The following PDGFRB variants were observed in gnomAD, a reference collection of about 807,000 sequenced individuals.
The protein encoded by PDGFRB is platelet derived growth factor receptor beta.
A neutral mutation model predicts 120.2 loss-of-function variants in PDGFRB; 42 were observed. That is an observed-to-expected ratio of 0.35 (90% CI 0.27 to 0.45). PDGFRB has a LOEUF of 0.45. PDGFRB is among the 20% of genes least tolerant of loss of function. The probability of loss-of-function intolerance (pLI) is 1.00; values close to 1 mark genes in which losing one functional copy is unlikely to be tolerated. For synonymous variants in PDGFRB, 586 were observed against 606.8 expected, an observed-to-expected ratio of 0.97 and a Z score of 0.50; for missense variants, 1,149 against 1,476.3, an observed-to-expected ratio of 0.78 and a Z score of 3.63.
chr5:150,121,989 C>G lies in PDGFRB; in HGVS notation c.2235G>C (p.Lys745Asn), dbSNP rs1760151971. The change falls in exon 16 of 23, where the codon AAG becomes AAC. Residue 745 changes from lysine to asparagine, a missense_variant. Physicochemically the swap from Lys to Asn is moderately conservative, Grantham distance 94 (BLOSUM62 0). This residue lies in a region of PDGFRB where 879 missense variants were observed against 1,108.6 expected (regional missense o/e 0.79). Transcript: ENST00000261799. This position sits in a 1 kb window ranked among gnomAD's most constrained non-coding sequence, Gnocchi z 4.1. ...ESDGGYMDMS[K>N]DESVDYVPML... The stretch of plus-strand genomic sequence containing the variant: ...TGGGCACATAGTCCACCGACTCGTC[C>G]TTGCTCATGTCCATGTAGCCACCGT... The G allele has an allele frequency of 6.2e-6, 10 of 1,613,710 alleles. No homozygotes were observed. The Admixed American group carries it at 6.7e-5, about 11-fold the overall frequency.
At chr5:150,116,046 G>A in intron 22 of PDGFRB, 100 bp from the exon 23 acceptor site, 1 of 965,260 alleles carries the variant, frequency 1.0e-6, no homozygotes, top group Non-Finnish European at 1.5e-6. Context: ...CTGCACCGTA[G>A]GCTTCACACA....
At chr5:150,127,161 C>CA (rs771053423) in intron 10 of PDGFRB, among the ~76,000 whole-genome samples, 2 of 152,228 alleles carry the variant, frequency 1.3e-5, no homozygotes, top group Non-Finnish European at 2.9e-5. Context: ...CTCCCCACTT[C>CA]ACCCAAAGGG....
intron 15 of PDGFRB, chr5:150,122,308 G>A (rs759894375): frequency 9.1e-6 from 4 of 441,850 alleles, no homozygotes; most frequent in Non-Finnish European, 1.7e-5. Flanking sequence ...CACAAGACGG[G>A]TGTGTTCAGA....
At chr5:150,117,191 G>C (rs1759962137) in intron 22 of PDGFRB, among the ~76,000 whole-genome samples, 1 of 152,166 alleles carries the variant, frequency 6.6e-6, no homozygotes, top group Admixed American at 6.5e-5. Context: ...AACCAAGCAG[G>C]CTCCCTCTGG....
At chr5:150,122,534 A>G (rs1760171790) in intron 15 of PDGFRB, among the ~76,000 whole-genome samples, 1 of 152,270 alleles carries the variant, frequency 6.6e-6, no homozygotes, top group African/African-American at 2.4e-5. Context: ...ATTGGAGAGG[A>G]CATGAGTGGG....
chr5:150,133,071 G>A lies in PDGFRB; in HGVS notation c.935-129C>T, dbSNP rs1193314574. 8.9e-6 allele frequency: 6 copies of A among 674,592 alleles called. No homozygotes were observed. The African/African-American group carries it at 1.1e-4, about 12-fold the overall frequency. The allele number at this position is 674,592 out of a possible 1,614,324, so 41.8% of individuals were successfully genotyped here. The stretch of plus-strand genomic sequence containing the variant: ...CCAGCCATGGAGTTTCCGGAGCTGA[G>A]GTTGAAATTGGGCTGGGGACAGGGC... On this transcript the variant is annotated intron_variant, in intron 6 of 22. Transcript: ENST00000261799.
chr5:150,136,963 C>T (rs765666370), intron 2 of PDGFRB, 45 bp downstream of exon 2: 3 of 1,528,448 alleles, frequency 2.0e-6, no homozygotes, highest in Non-Finnish European at 2.7e-6. Context: ...CAGGGTTCCA[C>T]TCCGCAGCCC....
At chr5:150,152,021 C>T (rs968843591) in intron 1 of PDGFRB, among the ~76,000 whole-genome samples, 3 of 152,022 alleles carry the variant, frequency 2.0e-5, no homozygotes, top group African/African-American at 4.8e-5. Context: ...AATTCTAGTG[C>T]CTCAGCCTCC....
chr5:150,154,131 C>T (rs1761159117), intron 1 of PDGFRB, among the ~76,000 whole-genome samples: 1 of 151,978 alleles, frequency 6.6e-6, no homozygotes, highest in Non-Finnish European at 1.5e-5. Flanking sequence ...ATGGCTAGCA[C>T]TTGGAAGACA....
rs2302273 is a variant in PDGFRB, at chr5:150,155,692, G to A, written c.-302C>T. The A allele has an allele frequency of 0.18, 71,417 of 398,594 alleles. 7,179 individuals are homozygous for A. Among genetic ancestry groups the A allele is most frequent in the Middle Eastern group, 0.28 (447 of 1,590 alleles). 24.7% of individuals were successfully genotyped at this position (398,594 alleles called of 1,614,324 possible). A position where few individuals can be genotyped will look rare whatever the true frequency, so the allele number is the denominator to read the frequency against. On this transcript the variant is annotated 5_prime_UTR_variant, in exon 1 of 23. Transcript: ENST00000261799. ...CAGAGGGGCCGCCCTGGGTCTGGCT[G>A]TCTGCGTTGGGCAGGGCGAGCACAG...
intron 10 of PDGFRB, among the ~76,000 whole-genome samples, chr5:150,128,937 T>A (rs1329025996): frequency 6.6e-6 from 1 of 152,146 alleles, no homozygotes; most frequent in Admixed American, 6.5e-5. Context: ...GGTGAATAAA[T>A]GAAGCACACT....
intron 8 of PDGFRB, among the ~76,000 whole-genome samples, 183 bp from the exon 9 acceptor site, chr5:150,130,845 G>A (rs550812954): frequency 6.6e-6 from 1 of 152,196 alleles, no homozygotes; most frequent in Admixed American, 6.5e-5. Flanking sequence ...ACTTCAAAGG[G>A]AACGCCTCAG....
intron 1 of PDGFRB, among the ~76,000 whole-genome samples, chr5:150,154,816 G>A (rs190764645): frequency 3.3e-5 from 5 of 152,308 alleles, no homozygotes; most frequent in East Asian, 1.9e-4. Flanking sequence ...TGCCATGGCC[G>A]CCCATCACCC....
intron 4 of PDGFRB, chr5:150,134,243 AG>A (rs757075346): frequency 2.5e-5 from 14 of 568,902 alleles, no homozygotes; most frequent in Non-Finnish European, 4.1e-5. Context: ...ACGTTCTAGA[AG>A]GGATAACAGT....
intron 8 of PDGFRB, among the ~76,000 whole-genome samples, chr5:150,131,256 C>T (rs576531570): frequency 6.6e-6 from 1 of 152,300 alleles, no homozygotes; most frequent in South Asian, 2.1e-4. Context: ...ACTGCCCTAT[C>T]CCCGTTCTGA....
rs563843456 is a variant in PDGFRB, at chr5:150,152,321, T to C, written c.-7+3076A>G. 2.6e-5 allele frequency among the ~76,000 whole-genome samples: 4 copies of C among 152,276 alleles called. No individual in the cohort carries two copies. The South Asian group carries it at 6.2e-4, about 24-fold the overall frequency. On this transcript the variant is annotated intron_variant, in intron 1 of 22. Transcript: ENST00000261799. ...TGAGGTAACAGATGTAAAGCACAATTGAAGTAGACACAGAAAGTGCTAAGA... is the reference window on the plus strand; with the variant it reads ...TGAGGTAACAGATGTAAAGCACAATCGAAGTAGACACAGAAAGTGCTAAGA...
intron 1 of PDGFRB, among the ~76,000 whole-genome samples, chr5:150,139,489 C>T (rs1562018153): frequency 6.6e-6 from 1 of 152,010 alleles, no homozygotes; most frequent in African/African-American, 2.4e-5. Context: ...CACCACGAAT[C>T]TTACCGGGGT....
At chr5:150,152,916 C>G (rs895996863) in intron 1 of PDGFRB, among the ~76,000 whole-genome samples, 4 of 152,224 alleles carry the variant, frequency 2.6e-5, no homozygotes, top group African/African-American at 9.6e-5. Flanking sequence ...CTGCTGCTCA[C>G]AGAGAAGGAG....
Position 150,124,375 on chromosome 5 carries a change from G to T in PDGFRB, c.1913-15C>A. 1 of 1,601,584 alleles carries T rather than the reference G, an allele frequency of 6.2e-7. No individual in the cohort carries two copies. The highest frequency in any genetic ancestry group is 1.1e-5 in the South Asian group (1 of 90,804). ...GCGGGCTGTGGCTGAGGAAAATGGG[G>T]GCCCCAGGCCAGGCCCAGTCATGGA... is the stretch of plus-strand genomic sequence containing the variant. On this transcript the variant is annotated splice_polypyrimidine_tract_variant and intron_variant, in intron 13 of 22. Transcript: ENST00000261799.
Sources: gnomAD v4.1 joint callset for allele counts (sites outside exome capture counted in the v4.1 genomes callset) on GRCh38, gnomAD v4.1.1 for gene constraint, gnomAD v4.1.1 regional missense constraint, Gnocchi (gnomAD v3.1) non-coding constraint, MANE v1.5 for transcripts, NCBI Gene and HGNC (gene_info 2026-07-23, HGNC 2026-07-21) for gene names.